The following KMT2C variants were observed in gnomAD, a reference collection of about 807,000 sequenced individuals.
The protein encoded by KMT2C is lysine methyltransferase 2C.
KMT2C carries 88 observed loss-of-function variants against 507.9 expected under a neutral mutation model. That is an observed-to-expected ratio of 0.17 (90% CI 0.15 to 0.21). KMT2C has a LOEUF of 0.21. Ranked by LOEUF, KMT2C falls within the 10% of genes least tolerant of loss-of-function variation. The pLI, the probability that KMT2C is intolerant of heterozygous loss-of-function variation, is 1.00. For synonymous variants in KMT2C, 2,049 were observed against 2,080.8 expected, an observed-to-expected ratio of 0.98 and a Z score of 0.42; for missense variants, 4,954 against 5,957.8, an observed-to-expected ratio of 0.83 and a Z score of 5.55.
intron 1 of KMT2C, among the ~76,000 whole-genome samples, chr7:152,361,501 T>G (rs1181884503): frequency 6.6e-6 from 1 of 152,000 alleles, no homozygotes. Flanking sequence ...AGGCAGAGGT[T>G]GCGGTGAGCT....
chr7:152,139,290 A>G (rs1418096904), intron 56 of KMT2C, 31 bp from the exon 57 acceptor site: 2 of 1,603,224 alleles, frequency 1.2e-6, no homozygotes, highest in South Asian at 1.1e-5. Context: ...TAAGTCATCA[A>G]TGTCGACCTG....
chr7:152,300,341 T>A (rs2096555226), intron 6 of KMT2C, among the ~76,000 whole-genome samples: 2 of 152,252 alleles, frequency 1.3e-5, no homozygotes, highest in South Asian at 4.1e-4. Flanking sequence ...GTTTACTATA[T>A]CTAGACTATG....
At chr7:152,228,451 T>C (rs1028098561) in intron 18 of KMT2C, among the ~76,000 whole-genome samples, 7 of 152,240 alleles carry the variant, frequency 4.6e-5, no homozygotes, top group Admixed American at 6.5e-5. Context: ...TAGATACTGC[T>C]GTATTTCTCA....
rs2116822283 is a variant in KMT2C at position 152,435,808 on chromosome 7, A to T, written c.-22T>A. 2 of 1,160,654 alleles carry T rather than the reference A, an allele frequency of 1.7e-6. No individual in the cohort carries two copies. The highest frequency in any genetic ancestry group is 1.1e-6 in the Non-Finnish European group (1 of 924,718). The allele number at this position is 1,160,654 out of a possible 1,614,324, so 71.9% of individuals were successfully genotyped here. On this transcript the variant is annotated 5_prime_UTR_variant, in exon 1 of 59. The change abolishes an upstream ATG in the 5' untranslated region. Transcript: ENST00000262189. The stretch of plus-strand genomic sequence containing the variant: ...ACATCCTAGTCACCAGGAAAGACAC[A>T]TGGATCCCGGTCCTCCTCCTGGGGG...
At chr7:152,160,665 GTATATATTTA>G (rs2129102677) in intron 43 of KMT2C, among the ~76,000 whole-genome samples, 1 of 147,268 alleles carries the variant, frequency 6.8e-6, no homozygotes, top group South Asian at 2.1e-4. Flanking sequence ...ATATATAGAT[GTATATATTTA>G]TATATATTTA....
intron 7 of KMT2C, among the ~76,000 whole-genome samples, chr7:152,265,864 T>C (rs560873323): frequency 6.6e-6 from 1 of 152,338 alleles, no homozygotes; most frequent in African/African-American, 2.4e-5. Context: ...AGCATTAAAA[T>C]CCACATAATT....
intron 1 of KMT2C, chr7:152,367,749 AT>A: frequency 9.2e-7 from 1 of 1,086,620 alleles, no homozygotes; most frequent in Admixed American, 1.7e-5. Flanking sequence ...TATCGATTAC[AT>A]TGATAGTAAA....
At chr7:152,154,526 G>A (rs2129098948) in intron 46 of KMT2C, 81 bp from the exon 47 acceptor site, 1 of 1,166,450 alleles carries the variant, frequency 8.6e-7, no homozygotes, top group Non-Finnish European at 1.3e-6. Flanking sequence ...TGACATCTGT[G>A]AATACAGCTG....
rs1234219536 is a variant in KMT2C, at chr7:152,151,549, T to C, written c.12559A>G (p.Ile4187Val). The change falls in exon 50 of 59, where the codon ATT becomes GTT. Residue 4187 changes from isoleucine to valine, a missense_variant. By Grantham distance (29) the Ile-to-Val change is conservative. Transcript: ENST00000262189. The stretch of plus-strand genomic sequence containing the variant: ...GGTCTGAGTGCTGCGCTTTCTGCAA[T>C]ACCATGACTAGAATCCTTATATCCA... ...LSGYKDSSHGIAESAALRPQW... is the reference protein window; with the variant it reads ...LSGYKDSSHGVAESAALRPQW... 3.7e-6 allele frequency: 6 copies of C among 1,614,024 alleles called. No individual in the cohort carries two copies. In the African/African-American group the frequency reaches 6.7e-5, roughly 18 times the overall value.
intron 31 of KMT2C, among the ~76,000 whole-genome samples, chr7:152,190,102 G>A (rs972233288): frequency 2.6e-5 from 4 of 152,206 alleles, no homozygotes; most frequent in Non-Finnish European, 4.4e-5. Flanking sequence ...AGGTGGAACA[G>A]TTTCATCGCA....
intron 2 of KMT2C, among the ~76,000 whole-genome samples, chr7:152,350,932 G>GT (rs1475283058): frequency 6.6e-6 from 1 of 152,056 alleles, no homozygotes; most frequent in African/African-American, 2.4e-5. Context: ...TATTCTGTAA[G>GT]TTTTTTGGTT....
intron 14 of KMT2C, among the ~76,000 whole-genome samples, chr7:152,240,072 GCAAA>G (rs887961446): frequency 1.3e-5 from 2 of 152,132 alleles, no homozygotes; most frequent in Non-Finnish European, 2.9e-5. Context: ...ATTCTCTCCA[GCAAA>G]CACTTTATTT....
intron 1 of KMT2C, among the ~76,000 whole-genome samples, chr7:152,377,400 G>A (rs967816759): frequency 3.2e-4 from 48 of 152,172 alleles, no homozygotes; most frequent in African/African-American, 1.0e-3. Context: ...TGCAGCCCAC[G>A]TATCAATGAG....
Position 152,145,263 on chromosome 7 carries a change from G to A in KMT2C, c.14064C>T (p.Thr4688=), listed in dbSNP as rs2129093362. The part of the protein sequence containing the change: ...LPGVEACENY[T]FRYGRNPLME... ...TGAGAGGATTTCGGCCGTATCGGAAGGTATAATTTTCACATGCCTCAACCC... is the reference window on the plus strand; with the variant it reads ...TGAGAGGATTTCGGCCGTATCGGAAAGTATAATTTTCACATGCCTCAACCC... Residue 4688 remains threonine (T), a synonymous_variant, in exon 54 of 59, where the codon ACC becomes ACT. Transcript: ENST00000262189. The A allele has an allele frequency of 6.2e-7, 1 of 1,614,114 alleles. No individual in the cohort carries two copies.
intron 2 of KMT2C, among the ~76,000 whole-genome samples, chr7:152,354,847 A>G (rs1039731255): frequency 1.3e-5 from 2 of 152,214 alleles, no homozygotes; most frequent in Non-Finnish European, 2.9e-5. Context: ...ATGGTACTGC[A>G]TGAACTTTGA....
rs2095566856 is a variant in KMT2C, at chr7:152,251,825, G to A, written c.1621+114C>T. On this transcript the variant is annotated intron_variant, in intron 11 of 58. Coordinates refer to ENST00000262189, the MANE Select transcript of KMT2C (RefSeq NM_170606.3). ...TTAAAGGTTGAGAAACTGAGAACAAGATGGAATCTGGAATACAGGATCCTC... is the reference window on the plus strand; with the variant it reads ...TTAAAGGTTGAGAAACTGAGAACAAAATGGAATCTGGAATACAGGATCCTC... 4.9e-6 allele frequency: 3 copies of A among 616,614 alleles called. No individual in the cohort carries two copies. The South Asian group carries it at 1.2e-4, about 25-fold the overall frequency. The allele number at this position is 616,614 out of a possible 1,614,324, so 38.2% of individuals were successfully genotyped here. A position where few individuals can be genotyped will look rare whatever the true frequency, so the allele number is the denominator to read the frequency against.
chr7:152,430,237 C>T (rs1252861761), intron 1 of KMT2C, among the ~76,000 whole-genome samples: 1 of 150,484 alleles, frequency 6.6e-6, no homozygotes, highest in East Asian at 1.9e-4. Flanking sequence ...ACTTTTGCCA[C>T]TTATCCTGCC....
chr7:152,170,797 A>G (rs2092930044), intron 40 of KMT2C, among the ~76,000 whole-genome samples: 1 of 152,164 alleles, frequency 6.6e-6, no homozygotes, highest in African/African-American at 2.4e-5. Flanking sequence ...CACCGTGCCC[A>G]GCCATTTTCT....
At chr7:152,350,858 T>C (rs556090744) in intron 2 of KMT2C, among the ~76,000 whole-genome samples, 1 of 152,258 alleles carries the variant, frequency 6.6e-6, no homozygotes, top group Non-Finnish European at 1.5e-5. Context: ...TTGACACTTT[T>C]GTAATAACAC....
Sources: allele counts gnomAD v4.1 joint callset (sites outside exome capture counted in the v4.1 genomes callset), GRCh38; gene constraint gnomAD v4.1.1; transcripts MANE v1.5; gene names NCBI Gene and HGNC (gene_info 2026-07-23, HGNC 2026-07-21).